Variants in DNM3 observed in about 807,000 individuals in gnomAD.
DNM3 encodes the protein dynamin 3.
DNM3 carries 47 observed loss-of-function variants against 101.6 expected under a neutral mutation model. The ratio of observed to expected loss-of-function variants is 0.46; its 90% CI spans 0.37 to 0.59. The LOEUF is 0.59. DNM3 is among the 20% of genes least tolerant of loss of function. The pLI, the probability that DNM3 is intolerant of heterozygous loss-of-function variation, is 0.00. For synonymous variants in DNM3, 385 were observed against 387.9 expected, an observed-to-expected ratio of 0.99 and a Z score of 0.09; for missense variants, 849 against 1,085.7, an observed-to-expected ratio of 0.78 and a Z score of 3.06.
chr1:172,038,182 G>A (rs2049105477), intron 6 of DNM3, 137 bp from the exon 7 acceptor site: 2 of 1,130,146 alleles, frequency 1.8e-6, no homozygotes, highest in Admixed American at 2.5e-5. Context: ...AATAGTCAAT[G>A]TCAAATGCAG....
intron 4 of DNM3, among the ~76,000 whole-genome samples, chr1:172,026,597 C>T (rs1478537136): frequency 6.6e-6 from 1 of 151,320 alleles, no homozygotes; most frequent in Non-Finnish European, 1.5e-5. Flanking sequence ...ATCAGACTAA[C>T]AGCAGATCTC....
At chr1:172,391,075 G>A (rs78045252) in intron 20 of DNM3, among the ~76,000 whole-genome samples, 9,650 of 152,258 alleles carry the variant, frequency 0.063, 368 homozygotes, top group South Asian at 0.14. Context: ...TGAGTAGCCC[G>A]AGCTGGATGG....
intron 1 of DNM3, among the ~76,000 whole-genome samples, chr1:171,909,178 C>A (rs569500928): frequency 6.6e-6 from 1 of 152,002 alleles, no homozygotes; most frequent in African/African-American, 2.4e-5. Context: ...TTGTGGCTCA[C>A]GCCTGTAATG....
chr1:172,252,080 G>A (rs2062191980), intron 14 of DNM3, among the ~76,000 whole-genome samples: 1 of 152,060 alleles, frequency 6.6e-6, no homozygotes, highest in African/African-American at 2.4e-5. Context: ...ATTTTGCAGT[G>A]CTTTACTTTT....
chr1:172,066,784 G>A (rs74123792), intron 10 of DNM3, among the ~76,000 whole-genome samples: 1,941 of 152,218 alleles, frequency 0.013, 43 homozygotes, highest in African/African-American at 0.044. Flanking sequence ...ATTACATCAC[G>A]TAAGTGGATC....
rs768365127 is a variant in DNM3, at chr1:172,033,136, G to A, written c.720G>A (p.Lys240=). 5.0e-6 allele frequency: 8 copies of A among 1,612,562 alleles called. No homozygotes were observed. In the East Asian group the frequency reaches 8.9e-5, roughly 18 times the overall value. Residue 240 remains lysine (K), a synonymous_variant, in exon 6 of 21, where the codon AAG becomes AAA. Transcript: ENST00000627582. The part of the protein sequence containing the change: ...GYVGVVNRSQ[K]DIDGKKDIKA... The stretch of plus-strand genomic sequence containing the variant: ...TGGGGGTGGTAAACAGAAGCCAGAA[G>A]GACATAGATGGGAAGAAGGACATAA...
intron 1 of DNM3, among the ~76,000 whole-genome samples, chr1:171,904,575 A>G (rs1005664289): frequency 1.3e-5 from 2 of 152,208 alleles, no homozygotes; most frequent in African/African-American, 4.8e-5. Context: ...ATATTAGGAA[A>G]GACATGAGGG....
intron 4 of DNM3, among the ~76,000 whole-genome samples, chr1:172,010,057 C>G (rs2047007662): frequency 4.0e-5 from 6 of 151,668 alleles, no homozygotes; most frequent in Admixed American, 3.3e-4. Flanking sequence ...GCATTTAGAC[C>G]ATTTACATTC....
chr1:171,943,179 C>T (rs1172382603), intron 2 of DNM3, among the ~76,000 whole-genome samples: 1 of 151,992 alleles, frequency 6.6e-6, no homozygotes, highest in East Asian at 1.9e-4. Flanking sequence ...AAGGTGGACA[C>T]ATGCCTGGCT....
At chr1:172,110,659 G>GA (rs1175299402) in intron 13 of DNM3, among the ~76,000 whole-genome samples, 3 of 151,924 alleles carry the variant, frequency 2.0e-5, no homozygotes, top group African/African-American at 7.2e-5. Flanking sequence ...TCATTCAAAG[G>GA]AAAAAAGGTA....
intron 9 of DNM3, among the ~76,000 whole-genome samples, chr1:172,045,978 A>C (rs199982794): frequency 5.3e-5 from 8 of 152,344 alleles, no homozygotes; most frequent in African/African-American, 1.7e-4. Context: ...TAGTTCAACC[A>C]TTGTGAAAGT....
chr1:171,989,473 A>G (rs2125623247), intron 4 of DNM3, among the ~76,000 whole-genome samples: 1 of 152,228 alleles, frequency 6.6e-6, no homozygotes, highest in East Asian at 1.9e-4. Flanking sequence ...AACTTCTGGT[A>G]CAGCAGAATT....
intron 17 of DNM3, among the ~76,000 whole-genome samples, chr1:172,337,905 T>TA (rs1238287240): frequency 1.2e-4 from 16 of 133,446 alleles, no homozygotes; most frequent in African/African-American, 4.0e-4. Context: ...TATTTTATTT[T>TA]ATTTTATTTT....
At chr1:172,399,329 C>T (rs952169441) in intron 20 of DNM3, among the ~76,000 whole-genome samples, 1 of 152,170 alleles carries the variant, frequency 6.6e-6, no homozygotes. Flanking sequence ...GTTTCAAATT[C>T]TTGAGCCAGT....
At chr1:172,223,450 A>G (rs1213212326) in intron 14 of DNM3, among the ~76,000 whole-genome samples, 1 of 152,020 alleles carries the variant, frequency 6.6e-6, no homozygotes, top group Admixed American at 6.6e-5. Flanking sequence ...ATAGTTTTTT[A>G]CATTCGTTGA....
At chr1:172,093,809 A>T in intron 13 of DNM3, 2 of 1,348,376 alleles carry the variant, frequency 1.5e-6, no homozygotes, top group Non-Finnish European at 2.0e-6. Flanking sequence ...TGATTAACTC[A>T]ACTAGCGCTT....
intron 2 of DNM3, among the ~76,000 whole-genome samples, chr1:171,938,280 T>G (rs371464732): frequency 2.6e-4 from 39 of 152,200 alleles, no homozygotes; most frequent in Middle Eastern, 3.4e-3. Flanking sequence ...TTTTGTTTGT[T>G]ACATAACCAA....
intron 1 of DNM3, among the ~76,000 whole-genome samples, chr1:171,886,916 CATT>C (rs1382866262): frequency 1.3e-5 from 2 of 152,094 alleles, no homozygotes; most frequent in South Asian, 2.1e-4. Context: ...TTGAAAGAGT[CATT>C]ATACAATTCC....
intron 15 of DNM3, among the ~76,000 whole-genome samples, chr1:172,271,292 C>T (rs548465928): frequency 4.6e-4 from 70 of 152,174 alleles, no homozygotes; most frequent in African/African-American, 1.6e-3. Context: ...TTTATCAGCA[C>T]ACCACCAATT....
Sources: gnomAD v4.1 joint callset for allele counts (sites outside exome capture counted in the v4.1 genomes callset) on GRCh38, gnomAD v4.1.1 for gene constraint, MANE v1.5 for transcripts, NCBI Gene and HGNC (gene_info 2026-07-23, HGNC 2026-07-21) for gene names.